The following GOSR1 variants were observed in gnomAD, a reference collection of about 807,000 sequenced individuals.
GOSR1 encodes the protein 28 kDa Golgi SNARE protein.
A neutral mutation model predicts 35.5 loss-of-function variants in GOSR1; 21 were observed. That is an observed-to-expected ratio of 0.59 (90% CI 0.42 to 0.85). The LOEUF (loss-of-function observed/expected upper bound fraction) is 0.85, where lower values mean the gene tolerates loss of function less well. Ranked by LOEUF, GOSR1 falls within the 40% of genes least tolerant of loss-of-function variation. The pLI is 0.00. For synonymous variants in GOSR1, 94 were observed against 106.6 expected, an observed-to-expected ratio of 0.88 and a Z score of 0.73; for missense variants, 285 against 309.6, an observed-to-expected ratio of 0.92 and a Z score of 0.60.
Position 30,487,693 on chromosome 17 carries a change from A to T in GOSR1, c.343-2433A>T, listed in dbSNP as rs555370127. On this transcript the variant is annotated intron_variant, in intron 4 of 8. Transcript: ENST00000451249. ...TCATATATTGCTGGTGGGAACATAA[A>T]TTGATGTAATGTTTATAGAAGGCAG... Among the ~76,000 whole-genome samples the T allele has an allele frequency of 1.2e-4, 19 of 152,358 alleles. No individual in the cohort carries two copies. In the East Asian group the frequency reaches 3.7e-3, roughly 29 times the overall value.
In GOSR1 at chr17:30,524,331, T is replaced by A. The variant is rs1460214313; in HGVS notation, c.*1953T>A. 6.6e-6 allele frequency: 1 copy of A among 152,252 alleles called. No homozygotes were observed. Among genetic ancestry groups the A allele is most frequent in the Non-Finnish European group, 1.5e-5 (1 of 68,052 alleles). 9.4% of individuals were successfully genotyped at this position (152,252 alleles called of 1,614,324 possible). A position where few individuals can be genotyped will look rare whatever the true frequency, so the allele number is the denominator to read the frequency against. ...GATTTCTACTCTGTCTCCTCAACTC[T>A]GTTGATATTTGGGGAAAATTCTGTT... On this transcript the variant is annotated 3_prime_UTR_variant, in exon 9 of 9. Transcript: ENST00000451249.
chr17:30,519,709 T>C (rs1036571492), intron 7 of GOSR1: 12 of 382,048 alleles, frequency 3.1e-5, no homozygotes, highest in Non-Finnish European at 5.6e-5. Context: ...GAAGCAAACA[T>C]AGGAAGTGGC....
chr17:30,525,711 C>T lies in GOSR1; in HGVS notation c.*3333C>T, dbSNP rs2143978801. On this transcript the variant is annotated 3_prime_UTR_variant, in exon 9 of 9. Transcript: ENST00000451249. ...GTGTGAGAGTGAACTGGGACACAAG[C>T]TAGTCTAGCTCACTGCAGCCAAGCA... is the stretch of plus-strand genomic sequence containing the variant. 6.6e-6 allele frequency: 1 copy of T among 152,292 alleles called. No homozygotes were observed. The highest frequency in any genetic ancestry group is 6.5e-5 in the Admixed American group (1 of 15,302). The allele number at this position is 152,292 out of a possible 1,614,324, so 9.4% of individuals were successfully genotyped here. A position where few individuals can be genotyped will look rare whatever the true frequency, so the allele number is the denominator to read the frequency against.
intron 6 of GOSR1, among the ~76,000 whole-genome samples, chr17:30,502,983 CTGAT>C (rs1776860606): frequency 1.3e-5 from 2 of 152,222 alleles, no homozygotes; most frequent in East Asian, 3.8e-4. Context: ...TGTAAATGGT[CTGAT>C]TGGTTAGTGA....
chr17:30,487,570 C>T lies in GOSR1; in HGVS notation c.343-2556C>T, dbSNP rs79963219. Among the ~76,000 whole-genome samples the T allele has an allele frequency of 2.5e-3, 386 of 152,016 alleles. 1 individual carries two copies. Among genetic ancestry groups the T allele is most frequent in the African/African-American group, 9.1e-3 (377 of 41,462 alleles). On this transcript the variant is annotated intron_variant, in intron 4 of 8. Coordinates refer to ENST00000451249, the MANE Select transcript of GOSR1 (RefSeq NM_001007025.2). ...TCAGCAGTATTTCCAAATAAAAATA[C>T]AGAAATCTAAAAGAGGTGATTTTTC...
rs761734046 is a variant in GOSR1 at position 30,520,040 on chromosome 17, C to A, written c.622+19C>A. The A allele has an allele frequency of 2.0e-6, 3 of 1,504,626 alleles. No homozygotes were observed. The East Asian group carries it at 6.8e-5, about 34-fold the overall frequency. The allele number at this position is 1,504,626 out of a possible 1,614,324, so 93.2% of individuals were successfully genotyped here. A position where few individuals can be genotyped will look rare whatever the true frequency, so the allele number is the denominator to read the frequency against. ...TTGGCCAGTATCCTTTTTGAATGTT[C>A]GCAGTCTGTGTTTTGAGGGTAGAGG... On this transcript the variant is annotated intron_variant, in intron 8 of 8. Coordinates refer to ENST00000451249, the MANE Select transcript of GOSR1 (RefSeq NM_001007025.2).
intron 2 of GOSR1, among the ~76,000 whole-genome samples, chr17:30,482,581 T>G (rs1296021071): frequency 1.3e-5 from 2 of 152,202 alleles, no homozygotes; most frequent in East Asian, 3.8e-4. Flanking sequence ...CAATGAAATC[T>G]GAGCTTAGAT....
chr17:30,479,303 C>G (rs1914175530), intron 1 of GOSR1: 1 of 152,230 alleles, frequency 6.6e-6, no homozygotes, highest in Non-Finnish European at 1.5e-5. Context: ...TGAGAATACT[C>G]GTATCTGTGT....
intron 7 of GOSR1, among the ~76,000 whole-genome samples, chr17:30,513,670 G>A (rs989724447): frequency 6.6e-6 from 1 of 152,172 alleles, no homozygotes; most frequent in African/African-American, 2.4e-5. Flanking sequence ...ACAGAAGCAG[G>A]CCCAGCATGG....
chr17:30,489,998 G>A, intron 4 of GOSR1, 128 bp from the exon 5 acceptor site: 1 of 595,718 alleles, frequency 1.7e-6, no homozygotes, highest in Non-Finnish European at 3.1e-6. Flanking sequence ...TTTTACCTTT[G>A]GTTAATTTGA....
intron 7 of GOSR1, among the ~76,000 whole-genome samples, chr17:30,519,066 T>C (rs931810719): frequency 1.3e-5 from 2 of 151,974 alleles, no homozygotes; most frequent in Non-Finnish European, 2.9e-5. Flanking sequence ...CTCTTTAATC[T>C]TTTCTTTTTT....
Position 30,510,424 on chromosome 17 carries a change from G to A in GOSR1, c.510-456G>A, listed in dbSNP as rs183279619. ...ATGCGAATGAAATTAAATTTATTTC[G>A]AAGTCCAGGCCAGCCACAGTGGCTC... On this transcript the variant is annotated intron_variant, in intron 6 of 8. Transcript: ENST00000451249. Among the ~76,000 whole-genome samples the A allele has an allele frequency of 1.4e-4, 21 of 152,126 alleles. No homozygotes were observed. In the East Asian group the frequency reaches 3.9e-3, roughly 28 times the overall value.
chr17:30,507,957 T>A (rs1967467612), intron 6 of GOSR1, among the ~76,000 whole-genome samples: 1 of 151,970 alleles, frequency 6.6e-6, no homozygotes, highest in Non-Finnish European at 1.5e-5. Context: ...AGCAGAGGGG[T>A]TTGAGAGGAC....
chr17:30,488,228 G>A (rs1337440612), intron 4 of GOSR1, among the ~76,000 whole-genome samples: 14 of 147,060 alleles, frequency 9.5e-5, no homozygotes, highest in African/African-American at 1.5e-4. Context: ...GCAGTGGCGC[G>A]GTCTTGGCTC....
intron 7 of GOSR1, among the ~76,000 whole-genome samples, chr17:30,518,481 T>G (rs1353495504): frequency 6.6e-6 from 1 of 152,158 alleles, no homozygotes; most frequent in Non-Finnish European, 1.5e-5. Flanking sequence ...CTCAACAGCA[T>G]TTCATTTTCT....
At chr17:30,498,853 T>G (rs547970557) in intron 6 of GOSR1, among the ~76,000 whole-genome samples, 1 of 152,276 alleles carries the variant, frequency 6.6e-6, no homozygotes, top group East Asian at 1.9e-4. Context: ...TAAATCAGAT[T>G]TACTGAGGTA....
chr17:30,496,024 A>G (rs1373265570), intron 6 of GOSR1, among the ~76,000 whole-genome samples: 3 of 151,986 alleles, frequency 2.0e-5, no homozygotes, highest in Non-Finnish European at 4.4e-5. Flanking sequence ...CTGTCTCTTC[A>G]CCTGATACAG....
chr17:30,477,697 T>C, intron 1 of GOSR1: 1 of 984,430 alleles, frequency 1.0e-6, no homozygotes, highest in Non-Finnish European at 1.2e-6. Context: ...TTGGGCAGAG[T>C]GGACAGAGCG....
At chr17:30,487,570 C>A (rs79963219) in intron 4 of GOSR1, among the ~76,000 whole-genome samples, 12,303 of 152,004 alleles carry the variant, frequency 0.081, 608 homozygotes, top group African/African-American at 0.14. Flanking sequence ...AATAAAAATA[C>A]AGAAATCTAA....
Sources: gnomAD v4.1 joint callset for allele counts (sites outside exome capture counted in the v4.1 genomes callset) on GRCh38, gnomAD v4.1.1 for gene constraint, MANE v1.5 for transcripts, NCBI Gene and HGNC (gene_info 2026-07-23, HGNC 2026-07-21) for gene names.